The following ATXN1 variants were observed in gnomAD, a reference collection of about 807,000 sequenced individuals.
The protein encoded by ATXN1 is ataxin-1.
A neutral mutation model predicts 56.4 loss-of-function variants in ATXN1; 8 were observed. The ratio of observed to expected loss-of-function variants is 0.14; its 90% CI spans 0.08 to 0.26. The LOEUF (loss-of-function observed/expected upper bound fraction) is 0.26, where lower values mean the gene tolerates loss of function less well. Among genes scored for constraint, ATXN1 ranks in the 10% least tolerant of loss-of-function variants. ATXN1 has a pLI of 1.00. For synonymous variants in ATXN1, 514 were observed against 494.6 expected (o/e 1.04, Z -0.52); for missense variants, 987 against 1,106.5 (o/e 0.89, Z 1.53).
At chr6:16,579,829 G>T (rs959112529) in intron 4 of ATXN1, among the ~76,000 whole-genome samples, 2 of 151,936 alleles carry the variant, frequency 1.3e-5, no homozygotes, top group African/African-American at 4.8e-5. Flanking sequence ...TCTGACAGTG[G>T]CTCTGTGGCT....
chr6:16,509,788 C>A (rs1323402606), intron 5 of ATXN1, among the ~76,000 whole-genome samples: 2 of 152,164 alleles, frequency 1.3e-5, no homozygotes, highest in South Asian at 2.1e-4. Context: ...GAATTAAGTC[C>A]AGAGTTTCCA....
intron 5 of ATXN1, among the ~76,000 whole-genome samples, chr6:16,515,810 C>T (rs142941394): frequency 3.3e-5 from 5 of 152,266 alleles, no homozygotes; most frequent in Non-Finnish European, 4.4e-5. Context: ...ATGAGAGAAG[C>T]GGATGCAGGA....
intron 2 of ATXN1, among the ~76,000 whole-genome samples, chr6:16,689,049 G>C (rs1758981993): frequency 6.6e-6 from 1 of 151,810 alleles, no homozygotes; most frequent in Non-Finnish European, 1.5e-5. Flanking sequence ...TGTGTACTCT[G>C]TGTGTGTGTA....
chr6:16,433,540 C>T (rs563853267), intron 6 of ATXN1, among the ~76,000 whole-genome samples: 8 of 152,310 alleles, frequency 5.3e-5, no homozygotes, highest in African/African-American at 9.6e-5. Context: ...CCCTTTGTCA[C>T]GTGCAGCCCA....
At position 16,300,122 on chromosome 6, in the gene ATXN1, G is replaced by A. The variant is rs1760046167; in HGVS notation, c.*6207C>T. 1 of 152,666 alleles carries A rather than the reference G, an allele frequency of 6.6e-6. No individual in the cohort carries two copies. The highest frequency in any genetic ancestry group is 2.4e-5 in the African/African-American group (1 of 41,464). 9.5% of individuals were successfully genotyped at this position (152,666 alleles called of 1,614,324 possible). ...CCTTCAGATTGGCCACAGAAAAGGA[G>A]ACAGGCTCATTGGCCATCCAGACAG... On this transcript the variant is annotated 3_prime_UTR_variant, in exon 8 of 8. Coordinates refer to ENST00000436367, the MANE Select transcript of ATXN1 (RefSeq NM_001128164.2).
intron 5 of ATXN1, among the ~76,000 whole-genome samples, chr6:16,513,689 G>C (rs1400390496): frequency 6.6e-6 from 1 of 152,142 alleles, no homozygotes; most frequent in African/African-American, 2.4e-5. Context: ...TTGCTGGTTT[G>C]AAGAAGTGGG....
At chr6:16,460,648 C>T (rs1023964263) in intron 6 of ATXN1, among the ~76,000 whole-genome samples, 8 of 152,200 alleles carry the variant, frequency 5.3e-5, no homozygotes, top group Non-Finnish European at 7.3e-5. Flanking sequence ...TCGAGTATGA[C>T]TGCCAACAAA....
At chr6:16,534,981 C>T (rs1581827936) in intron 4 of ATXN1, among the ~76,000 whole-genome samples, 1 of 152,216 alleles carries the variant, frequency 6.6e-6, no homozygotes, top group East Asian at 1.9e-4. Context: ...CATCTGCCCA[C>T]AGGAATAAGC....
At chr6:16,554,776 A>G (rs565193959) in intron 4 of ATXN1, among the ~76,000 whole-genome samples, 1 of 151,956 alleles carries the variant, frequency 6.6e-6, no homozygotes, top group African/African-American at 2.4e-5. Flanking sequence ...TTTTTAGTAG[A>G]GATAGGGTTT....
intron 2 of ATXN1, among the ~76,000 whole-genome samples, chr6:16,658,474 C>A (rs907693894): frequency 1.2e-4 from 16 of 133,870 alleles, no homozygotes; most frequent in Non-Finnish European, 2.6e-4. Context: ...CTTTCTCCAC[C>A]CAAGCTGAAA....
At chr6:16,443,426 T>C (rs955494707) in intron 6 of ATXN1, among the ~76,000 whole-genome samples, 7 of 152,150 alleles carry the variant, frequency 4.6e-5, no homozygotes. Flanking sequence ...AAAAGCCTCT[T>C]AGGAAGTCTC....
At chr6:16,405,892 G>A (rs1344802694) in intron 6 of ATXN1, among the ~76,000 whole-genome samples, 2 of 152,078 alleles carry the variant, frequency 1.3e-5, no homozygotes, top group African/African-American at 4.8e-5. Flanking sequence ...GTGCTGGAAC[G>A]GGGGCTGGGA....
At chr6:16,704,993 G>A (rs1561815884) in intron 2 of ATXN1, among the ~76,000 whole-genome samples, 1 of 152,088 alleles carries the variant, frequency 6.6e-6, no homozygotes, top group Non-Finnish European at 1.5e-5. Flanking sequence ...GCCTCCTCAG[G>A]CCTCACCTCT....
intron 4 of ATXN1, among the ~76,000 whole-genome samples, chr6:16,544,056 C>T (rs1050597844): frequency 8.5e-5 from 13 of 152,118 alleles, no homozygotes; most frequent in Admixed American, 2.6e-4. Context: ...CCTGGGTGTG[C>T]CATCCTGAGC....
chr6:16,362,080 T>TCATA (rs1761819277), intron 6 of ATXN1, among the ~76,000 whole-genome samples: 1 of 152,178 alleles, frequency 6.6e-6, no homozygotes, highest in South Asian at 2.1e-4. Flanking sequence ...CTGTGTCTTG[T>TCATA]CATAACTGTA....
chr6:16,454,387 T>C (rs932669857), intron 6 of ATXN1, among the ~76,000 whole-genome samples: 7 of 152,228 alleles, frequency 4.6e-5, no homozygotes, highest in Admixed American at 3.9e-4. Flanking sequence ...GAAAATAACA[T>C]CTGGGCAGCA....
intron 2 of ATXN1, among the ~76,000 whole-genome samples, chr6:16,678,687 C>CA (rs908720910): frequency 6.6e-5 from 10 of 151,238 alleles, no homozygotes; most frequent in Non-Finnish European, 1.2e-4. Flanking sequence ...TTAATTTCAC[C>CA]AAAAAAAATG....
intron 6 of ATXN1, among the ~76,000 whole-genome samples, chr6:16,334,394 C>G (rs1171704039): frequency 6.6e-6 from 1 of 151,942 alleles, no homozygotes; most frequent in African/African-American, 2.4e-5. Flanking sequence ...TATGAACAAC[C>G]ATTTGGTAGG....
At chr6:16,643,999 C>T (rs2074464607) in intron 3 of ATXN1, among the ~76,000 whole-genome samples, 1 of 152,054 alleles carries the variant, frequency 6.6e-6, no homozygotes, top group South Asian at 2.1e-4. Context: ...ATGGGCCAGA[C>T]ATAAAAGGAC....
Sources: gnomAD v4.1 joint callset for allele counts (sites outside exome capture counted in the v4.1 genomes callset) on GRCh38, gnomAD v4.1.1 for gene constraint, MANE v1.5 for transcripts, NCBI Gene and HGNC (gene_info 2026-07-23, HGNC 2026-07-21) for gene names.